IL17B: variants seen among roughly 807,000 people sequenced by gnomAD.
IL17B encodes the protein interleukin 17B.
In IL17B, 14 loss-of-function variants were observed where a neutral mutation model predicts 14.7. The observed-to-expected ratio is 0.95, with a 90% CI of 0.63 to 1.49. The LOEUF (loss-of-function observed/expected upper bound fraction) is 1.49, where lower values mean the gene tolerates loss of function less well. Ranked by LOEUF, IL17B falls within the 40% of genes most tolerant of loss-of-function variation. The probability of loss-of-function intolerance (pLI) is 0.00; values close to 1 mark genes in which losing one functional copy is unlikely to be tolerated. For synonymous variants in IL17B, 105 were observed against 94.8 expected (o/e 1.11, Z -0.62); for missense variants, 233 against 252.8 (o/e 0.92, Z 0.53).
At chr5:149,397,416 G>T (rs142422685) in intron 1 of IL17B, among the ~76,000 whole-genome samples, 1 of 152,124 alleles carries the variant, frequency 6.6e-6, no homozygotes, top group Non-Finnish European at 1.5e-5. Context: ...TGATCCACCC[G>T]CCTTGGCCTC....
chr5:149,394,248 G>T lies in IL17B; in HGVS notation n.95+9860C>A, dbSNP rs374770905. On this transcript the variant is annotated intron_variant and non_coding_transcript_variant, in intron 1 of 2. Coordinates refer to the IL17B transcript ENST00000505432. Reference sequence around the variant, plus strand: ...AAAGGGAAATCTACAAATGCATATCGCTATGGTTGTTAATTGTGTGCACCC... The same window carrying T: ...AAAGGGAAATCTACAAATGCATATCTCTATGGTTGTTAATTGTGTGCACCC... Among the ~76,000 whole-genome samples, 4 of 152,210 alleles carry T rather than the reference G, an allele frequency of 2.6e-5. No homozygotes were observed. The South Asian group carries it at 8.3e-4, about 32-fold the overall frequency.
chr5:149,399,927 A>C (rs1759174054), intron 1 of IL17B, among the ~76,000 whole-genome samples: 1 of 152,148 alleles, frequency 6.6e-6, no homozygotes, highest in African/African-American at 2.4e-5. Context: ...GTAAGCTAAA[A>C]ACTACATTTC....
At chr5:149,383,260 G>A (rs564201858), upstream of IL17B, among the ~76,000 whole-genome samples, 2 of 152,362 alleles carry the variant, frequency 1.3e-5, no homozygotes, top group South Asian at 2.1e-4. Context: ...GTTAAAATGA[G>A]TTTTGAGTTG....
intron 2 of IL17B, among the ~76,000 whole-genome samples, 186 bp downstream of exon 2, chr5:149,376,550 G>C (rs554126444): frequency 6.6e-6 from 1 of 152,228 alleles, no homozygotes; most frequent in Non-Finnish European, 1.5e-5. Flanking sequence ...CATTTACATT[G>C]AGGAAACTGA....
At chr5:149,382,258 G>T (rs1758717777), upstream of IL17B, among the ~76,000 whole-genome samples, 1 of 152,184 alleles carries the variant, frequency 6.6e-6, no homozygotes, top group Non-Finnish European at 1.5e-5. Flanking sequence ...AGACATCAGA[G>T]CCGGCCAGGA....
intron 1 of IL17B, among the ~76,000 whole-genome samples, chr5:149,401,520 C>T (rs10073727): frequency 1.6e-4 from 25 of 152,318 alleles, no homozygotes; most frequent in African/African-American, 5.5e-4. Flanking sequence ...GCCTGGCCAA[C>T]ATGGTGAAAC....
Position 149,377,368 on chromosome 5 carries a change from TTCTTGGGC to T in IL17B, c.22-351_22-344del, listed in dbSNP as rs1758573202. 2.6e-5 allele frequency among the ~76,000 whole-genome samples: 4 copies of T among 152,218 alleles called. No individual in the cohort carries two copies. In the South Asian group the frequency reaches 8.3e-4, roughly 31 times the overall value. ...GCTTTCTTAGGGATGCCTCTGGACT[TTCTTGGGC>T]TCTCATAACCCACACACCTCTTGCA... On this transcript the variant is annotated intron_variant, in intron 1 of 2. Transcript: ENST00000261796.
chr5:149,389,285 A>G (rs546083767), intron 1 of IL17B, among the ~76,000 whole-genome samples: 2 of 152,358 alleles, frequency 1.3e-5, no homozygotes, highest in Admixed American at 1.3e-4. Flanking sequence ...CCCAAACTAG[A>G]TTTATCCAGT....
intron 1 of IL17B, among the ~76,000 whole-genome samples, chr5:149,399,162 C>G (rs757811998): frequency 6.6e-6 from 1 of 152,166 alleles, no homozygotes; most frequent in African/African-American, 2.4e-5. Flanking sequence ...AGCTACAAGA[C>G]GAGATTTGTG....
chr5:149,388,231 A>C (rs1187092572), intron 1 of IL17B, among the ~76,000 whole-genome samples: 1 of 152,218 alleles, frequency 6.6e-6, no homozygotes, highest in Non-Finnish European at 1.5e-5. Flanking sequence ...TCTCCCCAGC[A>C]GTGTGCTCTT....
intron 1 of IL17B, among the ~76,000 whole-genome samples, chr5:149,389,465 C>T (rs1758894820): frequency 6.6e-6 from 1 of 152,250 alleles, no homozygotes; most frequent in South Asian, 2.1e-4. Flanking sequence ...CTCTCTTTTA[C>T]AGATGGGAAA....
Position 149,374,395 on chromosome 5 carries a change from C to A in IL17B, c.517G>T (p.Ala173Ser). The change falls in exon 3 of 3, where the codon GCT becomes TCT. Residue 173 changes from alanine to serine, a missense_variant. Coordinates refer to ENST00000261796, the MANE Select transcript of IL17B (RefSeq NM_014443.3). The surrounding 1 kb of genome is among the most constrained non-coding windows in gnomAD (Gnocchi z 5.0). The part of the protein sequence containing the change: ...CRQRAVMETI[A>S]VGCTCIF ...CAGAAGATGCAGGTGCAGCCCACAG[C>A]GATGGTCTCCATGACTGCGCGCTGG... 1.3e-6 allele frequency: 2 copies of A among 1,590,662 alleles called. No homozygotes were observed. Among genetic ancestry groups the A allele is most frequent in the Non-Finnish European group, 1.7e-6 (2 of 1,170,132 alleles).
Position 149,379,191 on chromosome 5 carries a change from G to A in IL17B, c.21+14C>T, listed in dbSNP as rs1261379831. On this transcript the variant is annotated intron_variant, in intron 1 of 2. Coordinates refer to ENST00000261796, the MANE Select transcript of IL17B (RefSeq NM_014443.3). ...TAAAAAGGGGTGGGGGTGCGGCAGG[G>A]AAGCGCCACGTACCAGGTTGTGAGG... 6.2e-7 allele frequency: 1 copy of A among 1,614,064 alleles called. No homozygotes were observed. The highest frequency in any genetic ancestry group is 8.5e-7 in the Non-Finnish European group (1 of 1,179,952).
At chr5:149,380,338 C>G (rs552707474), upstream of IL17B, among the ~76,000 whole-genome samples, 2 of 152,248 alleles carry the variant, frequency 1.3e-5, no homozygotes, top group Admixed American at 6.5e-5. Context: ...AAACACTTAG[C>G]TATTTATTAT....
Position 149,374,806 on chromosome 5 carries a change from A to AAGG in IL17B, c.312-207_312-206insCCT. ...AAGGCAAGTCGAGAGCCCCAAGGTT[A>AAGG]TCCAGCTTCAAGGTCACCAGTCACC... is the stretch of plus-strand genomic sequence containing the variant. On this transcript the variant is annotated intron_variant, in intron 2 of 2. Transcript: ENST00000261796. The surrounding 1 kb of genome is among the most constrained non-coding windows in gnomAD (Gnocchi z 5.0). 1 of 537,604 alleles carries AAGG rather than the reference A, an allele frequency of 1.9e-6. No individual in the cohort carries two copies. Among genetic ancestry groups the AAGG allele is most frequent in the Non-Finnish European group, 3.3e-6 (1 of 301,694 alleles). 33.3% of individuals were successfully genotyped at this position (537,604 alleles called of 1,614,324 possible).
chr5:149,396,277 A>G (rs183322071), intron 1 of IL17B, among the ~76,000 whole-genome samples: 17 of 152,342 alleles, frequency 1.1e-4, no homozygotes, highest in African/African-American at 3.6e-4. Flanking sequence ...ATATACACAT[A>G]AGCAGATATA....
chr5:149,393,031 G>A (rs961223301), intron 1 of IL17B, among the ~76,000 whole-genome samples: 2 of 151,652 alleles, frequency 1.3e-5, no homozygotes, highest in African/African-American at 4.9e-5. Flanking sequence ...GTGTGTGGGC[G>A]TGTGTGTGCG....
chr5:149,390,921 G>A (rs567521476), intron 1 of IL17B, among the ~76,000 whole-genome samples: 2 of 152,116 alleles, frequency 1.3e-5, no homozygotes, highest in South Asian at 4.2e-4. Context: ...TGGTCAAAAA[G>A]GGTTGGGACC....
chr5:149,395,597 G>A (rs1759076304), intron 1 of IL17B, among the ~76,000 whole-genome samples: 1 of 152,210 alleles, frequency 6.6e-6, no homozygotes, highest in African/African-American at 2.4e-5. Flanking sequence ...TTTAATTCAT[G>A]AAACGCTCCT....
Sources: gnomAD v4.1 joint callset for allele counts (sites outside exome capture counted in the v4.1 genomes callset) on GRCh38, gnomAD v4.1.1 for gene constraint, Gnocchi (gnomAD v3.1) non-coding constraint, MANE v1.5 for transcripts, NCBI Gene and HGNC (gene_info 2026-07-23, HGNC 2026-07-21) for gene names.